Variants in C6orf89 observed in about 807,000 individuals in gnomAD.
C6orf89 encodes the protein bombesin receptor-activated protein C6orf89.
Under a neutral mutation model 40.7 loss-of-function variants are expected in C6orf89, and 29 were observed. The ratio of observed to expected loss-of-function variants is 0.71; its 90% CI spans 0.53 to 0.97. The LOEUF (loss-of-function observed/expected upper bound fraction) is 0.97. Ranked by LOEUF, C6orf89 falls within the 50% of genes least tolerant of loss-of-function variation. C6orf89 has a pLI of 0.00. For synonymous variants in C6orf89, 165 were observed against 152.2 expected, an observed-to-expected ratio of 1.08 and a Z score of -0.62; for missense variants, 392 against 429.1, an observed-to-expected ratio of 0.91 and a Z score of 0.76.
chr6:36,873,608 A>C (rs966273040), intron 1 of C6orf89, among the ~76,000 whole-genome samples: 1 of 152,228 alleles, frequency 6.6e-6, no homozygotes, highest in Non-Finnish European at 1.5e-5. Context: ...TTATTTTGTA[A>C]CTTTAAAAAA....
At chr6:36,887,149 CTG>C (rs1775024366) in intron 1 of C6orf89, among the ~76,000 whole-genome samples, 1 of 151,532 alleles carries the variant, frequency 6.6e-6, no homozygotes, top group Non-Finnish European at 1.5e-5. Context: ...GAGTCTCACA[CTG>C]TCGCCCAGGC....
upstream of C6orf89, among the ~76,000 whole-genome samples, chr6:36,882,806 C>T (rs1449135715): frequency 3.5e-5 from 5 of 144,052 alleles, no homozygotes; most frequent in Admixed American, 7.2e-5. Flanking sequence ...GGCGCAATCT[C>T]GGCTCACTGC....
intron 2 of C6orf89, among the ~76,000 whole-genome samples, chr6:36,896,417 T>C (rs979753633): frequency 1.3e-5 from 2 of 152,212 alleles, no homozygotes; most frequent in Admixed American, 1.3e-4. Context: ...CATTTGTATA[T>C]CTTTTCTGGA....
intron 1 of C6orf89, among the ~76,000 whole-genome samples, chr6:36,888,742 G>C (rs1053086669): frequency 6.6e-6 from 1 of 152,214 alleles, no homozygotes; most frequent in Non-Finnish European, 1.5e-5. Context: ...GAGAGATGTT[G>C]AAGACCTTAA....
At chr6:36,883,688 A>T (rs2150672193), upstream of C6orf89, among the ~76,000 whole-genome samples, 1 of 152,322 alleles carries the variant, frequency 6.6e-6, no homozygotes. Flanking sequence ...AACCCACATC[A>T]TGGATTAAAG....
chr6:36,902,298 A>T lies in C6orf89; in HGVS notation c.267A>T (p.Pro89=). The T allele has an allele frequency of 6.2e-7, 1 of 1,614,186 alleles. No individual in the cohort carries two copies. The highest frequency in any genetic ancestry group is 8.5e-7 in the Non-Finnish European group (1 of 1,180,020). The change falls in exon 4 of 9, where the codon CCA becomes CCT. Residue 89 remains proline (P), a synonymous_variant. Transcript: ENST00000480824. ...IQPFSPLAPE[P]VLSGAHTWRS... is the part of the protein sequence containing the mutation. ...CTTTCAGCCCATTAGCACCTGAGCCAGTGCTTTCTGGAGCTCACACCTGGC... is the reference window on the plus strand; with the variant it reads ...CTTTCAGCCCATTAGCACCTGAGCCTGTGCTTTCTGGAGCTCACACCTGGC...
At chr6:36,892,673 T>G (rs1417899063) in intron 1 of C6orf89, 1 of 152,218 alleles carries the variant, frequency 6.6e-6, no homozygotes, top group Non-Finnish European at 1.5e-5. Flanking sequence ...TGAGCTCCAC[T>G]CCTAACAGTT....
Position 36,923,961 on chromosome 6 carries a change from G to A in C6orf89, c.*520G>A, listed in dbSNP as rs1762600440. The A allele has an allele frequency of 5.1e-6, 1 of 195,180 alleles. No homozygotes were observed. Among genetic ancestry groups the A allele is most frequent in the African/African-American group, 2.3e-5 (1 of 42,800 alleles). 12.1% of individuals were successfully genotyped at this position (195,180 alleles called of 1,614,324 possible). ...CCAAGCAAAGTGGAATCTAGAAACA[G>A]TGAAAAAAGTTCAGATAACTTTGAA... On this transcript the variant is annotated 3_prime_UTR_variant, in exon 9 of 9. Transcript: ENST00000480824.
intron 2 of C6orf89, among the ~76,000 whole-genome samples, chr6:36,897,662 G>A (rs975374013): frequency 3.3e-5 from 5 of 152,138 alleles, no homozygotes; most frequent in South Asian, 2.1e-4. Flanking sequence ...TTTATGAAAC[G>A]CTCTCTAGGT....
chr6:36,885,477 AAGTT>A (rs1278880793), upstream of C6orf89, among the ~76,000 whole-genome samples: 1 of 152,192 alleles, frequency 6.6e-6, no homozygotes, highest in Non-Finnish European at 1.5e-5. Context: ...AATTCGGCTT[AAGTT>A]TTTCTTTTAT....
chr6:36,885,660 C>T (rs1312705408), upstream of C6orf89, among the ~76,000 whole-genome samples: 2 of 152,124 alleles, frequency 1.3e-5, no homozygotes, highest in Non-Finnish European at 2.9e-5. Context: ...TAGTAGGGGA[C>T]TCAGTAAATG....
At chr6:36,877,883 C>CTA (rs56354228) in intron 1 of C6orf89, among the ~76,000 whole-genome samples, 152,274 of 152,360 alleles carry the variant, frequency 1, 76,094 homozygotes, top group Middle Eastern at 1. Flanking sequence ...TTCTATTTGG[C>CTA]TGTTTTCTTA....
At chr6:36,893,622 A>G (rs112202275) in intron 1 of C6orf89, among the ~76,000 whole-genome samples, 2 of 152,292 alleles carry the variant, frequency 1.3e-5, no homozygotes, top group African/African-American at 4.8e-5. Flanking sequence ...GTTTAATAAG[A>G]TTTTTATGTG....
rs1761760596 is a variant in C6orf89 at position 36,902,430 on chromosome 6, T to A, written c.399T>A (p.Phe133Leu). 2 of 1,613,772 alleles carry A rather than the reference T, an allele frequency of 1.2e-6. No individual in the cohort carries two copies. The highest frequency in any genetic ancestry group is 2.2e-5 in the East Asian group (1 of 44,880). ...ATGGGGGTGATGAAGACAGACCCTT[T>A]CCAGGTAAAATGCAACATTTATTAC... ...PLHGGDEDRP[F>L]PDFDPWWTND... Residue 133 changes from phenylalanine to leucine, a missense_variant, in exon 4 of 9, where the codon TTT (phenylalanine) becomes TTA (leucine). Phe to Leu is a conservative substitution (Grantham distance 22, BLOSUM62 0). Coordinates refer to ENST00000480824, the MANE Select transcript of C6orf89 (RefSeq NM_001286635.2).
chr6:36,897,263 G>T (rs1216492829), intron 2 of C6orf89, among the ~76,000 whole-genome samples: 1 of 151,928 alleles, frequency 6.6e-6, no homozygotes, highest in Non-Finnish European at 1.5e-5. Flanking sequence ...CTTGGTATAT[G>T]TAGGGTATTC....
intron 2 of C6orf89, among the ~76,000 whole-genome samples, chr6:36,897,872 A>G (rs1033068094): frequency 1.3e-5 from 2 of 152,110 alleles, no homozygotes; most frequent in Non-Finnish European, 2.9e-5. Flanking sequence ...TACACGTACT[A>G]TGTCAGTACT....
Position 36,875,023 on chromosome 6 carries a change from C to T in C6orf89, c.-628+3056C>T, listed in dbSNP as rs183203498. On this transcript the variant is annotated intron_variant, in intron 1 of 9. Coordinates refer to the C6orf89 transcript ENST00000359359. ...CGCGGTGGTCTCCAAGTGGCGATAC[C>T]GCGCCACTCTGGGCGATCTGATTGG... 2.7e-3 allele frequency: 1,384 copies of T among 508,114 alleles called. 4 individuals carry two copies. Among genetic ancestry groups the T allele is most frequent in the Non-Finnish European group, 3.9e-3 (1,124 of 285,810 alleles). The allele number at this position is 508,114 out of a possible 1,614,324, so 31.5% of individuals were successfully genotyped here.
At chr6:36,921,449 G>A (rs1375243553) in intron 8 of C6orf89, among the ~76,000 whole-genome samples, 1 of 152,098 alleles carries the variant, frequency 6.6e-6, no homozygotes, top group Admixed American at 6.5e-5. Context: ...ACATTTTCCT[G>A]TGGAGATGGA....
At chr6:36,901,318 A>ATTTTTTTTTTTTTTTTTTTTTT (rs1408790414) in intron 3 of C6orf89, among the ~76,000 whole-genome samples, 12 of 65,120 alleles carry the variant, frequency 1.8e-4, no homozygotes, top group East Asian at 3.7e-4. Flanking sequence ...TATTATTATT[A>ATTTTTTTTTTTTTTTTTTTTTT]TTATTTTTTT....
Sources: gnomAD v4.1 joint callset for allele counts (sites outside exome capture counted in the v4.1 genomes callset) on GRCh38, gnomAD v4.1.1 for gene constraint, MANE v1.5 for transcripts, NCBI Gene and HGNC (gene_info 2026-07-23, HGNC 2026-07-21) for gene names.